TENT5D: variants seen among roughly 807,000 people sequenced by gnomAD.
TENT5D encodes the protein terminal nucleotidyltransferase 5D, also known as cancer/testis antigen 112.
For missense variants in TENT5D, 191 were observed against 287.0 expected, an observed-to-expected ratio of 0.67 and a Z score of 2.42; for synonymous variants, 103 against 100.6, an observed-to-expected ratio of 1.02 and a Z score of -0.15.
intron 1 of TENT5D, among the ~76,000 whole-genome samples, chrX:80,424,678 C>T (rs1249350557): frequency 8.9e-6 from 1 of 112,571 alleles, no homozygotes; most frequent in Admixed American, 9.4e-5. Context: ...CTCCAGTCCT[C>T]ATTTTTGTTA....
chrX:80,358,718 A>G (rs1930341161), intron 3 of TENT5D, among the ~76,000 whole-genome samples: 1 of 112,129 alleles, frequency 8.9e-6, no homozygotes, highest in South Asian at 3.6e-4. Context: ...GTTATTTCAC[A>G]GCTCAATATA....
At chrX:80,395,723 T>C (rs1373366799) in intron 3 of TENT5D, among the ~76,000 whole-genome samples, 1 of 110,200 alleles carries the variant, frequency 9.1e-6, no homozygotes, top group Non-Finnish European at 1.9e-5. Flanking sequence ...ATCCTTTTTC[T>C]AGCTATTTGA....
intron 1 of TENT5D, among the ~76,000 whole-genome samples, chrX:80,436,472 A>T (rs1024270821): frequency 1.8e-5 from 2 of 110,509 alleles, no homozygotes; most frequent in Non-Finnish European, 3.8e-5. Flanking sequence ...TACACGTGCC[A>T]TGGTGGTTTG....
intron 3 of TENT5D, among the ~76,000 whole-genome samples, chrX:80,354,495 A>G (rs1930245854): frequency 8.9e-6 from 1 of 112,023 alleles, no homozygotes; most frequent in Non-Finnish European, 1.9e-5. Flanking sequence ...AATGTTTCCA[A>G]TGCTTTCTGA....
intron 1 of TENT5D, among the ~76,000 whole-genome samples, chrX:80,437,462 CTTTAT>C (rs1263289016): frequency 1.8e-5 from 2 of 111,647 alleles, no homozygotes; most frequent in Non-Finnish European, 3.8e-5. Context: ...ATGATTAACA[CTTTAT>C]TTTATAGTTT....
intron 3 of TENT5D, among the ~76,000 whole-genome samples, chrX:80,379,608 C>T (rs1242981413): frequency 3.6e-5 from 4 of 110,744 alleles, no homozygotes; most frequent in Non-Finnish European, 5.7e-5. Context: ...TTGGTTGGTA[C>T]GCTATTAATT....
At chrX:80,433,647 T>G (rs1283553800) in intron 1 of TENT5D, among the ~76,000 whole-genome samples, 2 of 111,809 alleles carry the variant, frequency 1.8e-5, no homozygotes, top group Non-Finnish European at 3.8e-5. Context: ...TTTCTCTTCG[T>G]GTTTATAGGT....
chrX:80,383,136 A>G (rs1202586388), intron 3 of TENT5D, among the ~76,000 whole-genome samples: 1 of 112,678 alleles, frequency 8.9e-6, no homozygotes, highest in African/African-American at 3.2e-5. Context: ...AACAGATCCA[A>G]GGTAGTACTT....
At chrX:80,380,019 C>G (rs923636889) in intron 3 of TENT5D, among the ~76,000 whole-genome samples, 3 of 105,632 alleles carry the variant, frequency 2.8e-5, no homozygotes, top group African/African-American at 6.9e-5. Context: ...TTTGTTTGCT[C>G]TTGCTTCTCT....
chrX:80,424,232 C>G (rs765201122), intron 1 of TENT5D, among the ~76,000 whole-genome samples: 2 of 110,986 alleles, frequency 1.8e-5, no homozygotes, highest in African/African-American at 3.3e-5. Context: ...GCTTGATAGC[C>G]GTTAGATGAG....
chrX:80,341,910 A>T (rs980562782), intron 2 of TENT5D, among the ~76,000 whole-genome samples: 2 of 106,364 alleles, frequency 1.9e-5, no homozygotes, highest in African/African-American at 6.8e-5. Flanking sequence ...ACGGGGTTTC[A>T]CCGTGTTAGC....
intron 3 of TENT5D, among the ~76,000 whole-genome samples, chrX:80,363,993 C>T (rs958089106): frequency 7.1e-5 from 8 of 112,314 alleles, no homozygotes; most frequent in Non-Finnish European, 1.5e-4. Context: ...TTCAAGTAAA[C>T]AATACAATAT....
intron 3 of TENT5D, among the ~76,000 whole-genome samples, chrX:80,394,450 T>G (rs1378210211): frequency 1.1e-5 from 1 of 91,949 alleles, no homozygotes; most frequent in Non-Finnish European, 2.1e-5. Flanking sequence ...CAGGCTGGAG[T>G]GCAATGCTGT....
At chrX:80,351,859 G>T (rs760543287) in intron 3 of TENT5D, among the ~76,000 whole-genome samples, 2 of 112,023 alleles carry the variant, frequency 1.8e-5, no homozygotes, top group East Asian at 5.7e-4. Context: ...TGTTGATGTT[G>T]ATGTTATTGC....
intron 3 of TENT5D, among the ~76,000 whole-genome samples, chrX:80,388,725 A>G (rs1295675170): frequency 2.7e-5 from 3 of 111,711 alleles, no homozygotes; most frequent in Admixed American, 1.9e-4. Context: ...AGGTGGTGCA[A>G]TTACTTACTT....
intron 3 of TENT5D, among the ~76,000 whole-genome samples, chrX:80,411,833 T>C (rs1931673737): frequency 8.9e-6 from 1 of 111,907 alleles, no homozygotes; most frequent in Admixed American, 9.5e-5. Flanking sequence ...GCTTTGAGAG[T>C]CTACGGCTTT....
intron 3 of TENT5D, among the ~76,000 whole-genome samples, chrX:80,401,290 T>C (rs1029046033): frequency 3.6e-5 from 4 of 112,087 alleles, no homozygotes; most frequent in African/African-American, 1.3e-4. Flanking sequence ...TGAATTCATT[T>C]ATCAGTTTTA....
chrX:80,442,483 G>A, intron 2 of TENT5D, 39 bp from the exon 3 acceptor site: 1 of 1,004,355 alleles, frequency 1.0e-6, no homozygotes, highest in Non-Finnish European at 1.4e-6. Flanking sequence ...GTTTTAAGGT[G>A]CTAACATATT....
At chrX:80,403,986 G>A (rs1931435853) in intron 3 of TENT5D, among the ~76,000 whole-genome samples, 1 of 111,350 alleles carries the variant, frequency 9.0e-6, no homozygotes, top group African/African-American at 3.3e-5. Context: ...GGTTTGGTCC[G>A]GTAAGGTGGG....
Sources: allele counts gnomAD v4.1 joint callset (sites outside exome capture counted in the v4.1 genomes callset), GRCh38; gene constraint gnomAD v4.1.1; transcripts MANE v1.5; gene names NCBI Gene and HGNC (gene_info 2026-07-23, HGNC 2026-07-21).